Variants in KLF8 observed in about 807,000 individuals in gnomAD.
KLF8 encodes KLF transcription factor 8.
KLF8 carries 10 observed loss-of-function variants against 18.2 expected under a neutral mutation model. That is an observed-to-expected ratio of 0.55 (90% confidence interval 0.34 to 0.93). The LOEUF is 0.93. Ranked by LOEUF, KLF8 falls within the 40% of genes least tolerant of loss-of-function variation. KLF8 has a pLI of 0.02. For synonymous variants in KLF8, 109 were observed against 97.3 expected (o/e 1.12, Z -0.71); for missense variants, 264 against 277.9 (o/e 0.95, Z 0.36).
chrX:56,213,253 T>A, the KLF8 span, among the ~76,000 whole-genome samples: 1 of 108,201 alleles, frequency 9.2e-6, no homozygotes, highest in Non-Finnish European at 1.9e-5. Flanking sequence ...TCTCATCTTT[T>A]AAAATGACCT....
chrX:55,935,477 T>A, the KLF8 span, among the ~76,000 whole-genome samples: 2 of 112,426 alleles, frequency 1.8e-5, no homozygotes, highest in Non-Finnish European at 3.8e-5. Flanking sequence ...GAGGAACTAT[T>A]TACTTGTAAA....
the KLF8 span, among the ~76,000 whole-genome samples, chrX:56,022,061 A>C: frequency 9.0e-6 from 1 of 111,540 alleles, no homozygotes; most frequent in East Asian, 2.8e-4. Context: ...AAAAAGCCTC[A>C]CATAAAATAT....
At chrX:55,994,458 T>C in the KLF8 span, among the ~76,000 whole-genome samples, 9 of 109,727 alleles carry the variant, frequency 8.2e-5, no homozygotes, top group Non-Finnish European at 1.1e-4. Context: ...TTTTTTTTTT[T>C]CCTGCTAGCT....
the KLF8 span, among the ~76,000 whole-genome samples, chrX:56,003,003 C>A: frequency 1.8e-5 from 2 of 111,853 alleles, no homozygotes; most frequent in African/African-American, 6.5e-5. Context: ...ATTGAAAAAC[C>A]ATTATTCACT....
chrX:56,152,539 A>G, the KLF8 span, among the ~76,000 whole-genome samples: 13 of 111,392 alleles, frequency 1.2e-4, no homozygotes, highest in Non-Finnish European at 2.5e-4. Context: ...GATGGCAAAT[A>G]CATTGTCTCA....
chrX:56,028,739 C>T, the KLF8 span, among the ~76,000 whole-genome samples: 1 of 111,310 alleles, frequency 9.0e-6, no homozygotes, highest in Non-Finnish European at 1.9e-5. Context: ...CCCGGGTCTT[C>T]CTACTGAAAG....
the KLF8 span, among the ~76,000 whole-genome samples, chrX:56,030,599 C>A: frequency 9.1e-6 from 1 of 110,294 alleles, no homozygotes; most frequent in African/African-American, 3.3e-5. Flanking sequence ...TATATTGCTG[C>A]TCTCTCAGGG....
At chrX:55,923,148 A>G in the KLF8 span, among the ~76,000 whole-genome samples, 1 of 111,427 alleles carries the variant, frequency 9.0e-6, no homozygotes, top group Non-Finnish European at 1.9e-5. Context: ...ATGCAGCTAT[A>G]AAAAGAGATA....
At chrX:56,058,484 C>T in the KLF8 span, among the ~76,000 whole-genome samples, 2 of 102,501 alleles carry the variant, frequency 2.0e-5, no homozygotes, top group Non-Finnish European at 4.0e-5. Context: ...TGCTCTCTCT[C>T]CCCTAGTGCC....
chrX:55,947,115 G>C, the KLF8 span, among the ~76,000 whole-genome samples: 1 of 111,129 alleles, frequency 9.0e-6, no homozygotes, highest in South Asian at 3.9e-4. Flanking sequence ...AATACCATTT[G>C]ACCCAGCCAT....
the KLF8 span, among the ~76,000 whole-genome samples, chrX:56,062,792 A>T: frequency 9.0e-6 from 1 of 110,983 alleles, no homozygotes; most frequent in African/African-American, 3.3e-5. Context: ...AGTCACTTTC[A>T]GGTACAGCAA....
At chrX:56,103,121 G>A in the KLF8 span, among the ~76,000 whole-genome samples, 1 of 110,030 alleles carries the variant, frequency 9.1e-6, no homozygotes, top group Non-Finnish European at 1.9e-5. Context: ...TAGCCTTGTA[G>A]TATAGTTTGA....
chrX:56,092,214 A>G, the KLF8 span, among the ~76,000 whole-genome samples: 1 of 111,388 alleles, frequency 9.0e-6, no homozygotes, highest in Non-Finnish European at 1.9e-5. Flanking sequence ...GATTCCAGAT[A>G]TTAGTCCCCT....
chrX:56,039,247 C>G, the KLF8 span, among the ~76,000 whole-genome samples: 2 of 111,884 alleles, frequency 1.8e-5, no homozygotes, highest in Middle Eastern at 4.6e-3. Context: ...GCTTTTGTTG[C>G]AATTGCTTCT....
chrX:56,083,206 T>C, the KLF8 span, among the ~76,000 whole-genome samples: 1 of 112,124 alleles, frequency 8.9e-6, no homozygotes, highest in Non-Finnish European at 1.9e-5. Flanking sequence ...GTTTATTTTT[T>C]TGTGATCAAT....
At chrX:56,222,867 C>A in the KLF8 span, among the ~76,000 whole-genome samples, 18 of 113,113 alleles carry the variant, frequency 1.6e-4, no homozygotes, top group South Asian at 3.6e-4. Context: ...GCCCAGCCCA[C>A]GCCCACCCGG....
intron 5 of KLF8, among the ~76,000 whole-genome samples, chrX:56,274,861 G>A (rs1230422003): frequency 8.9e-6 from 1 of 111,823 alleles, no homozygotes; most frequent in African/African-American, 3.3e-5. Flanking sequence ...CCACTGATCA[G>A]TGTGTCTGTT....
chrX:56,054,433 G>T, the KLF8 span, among the ~76,000 whole-genome samples: 1 of 111,389 alleles, frequency 9.0e-6, no homozygotes, highest in East Asian at 2.8e-4. Context: ...TTATTTTTTT[G>T]TGCTGTGGTC....
At chrX:56,013,036 C>T in the KLF8 span, among the ~76,000 whole-genome samples, 2 of 111,678 alleles carry the variant, frequency 1.8e-5, no homozygotes, top group African/African-American at 6.5e-5. Context: ...GAGTAGAGAA[C>T]CCAGAAATAA....
Sources: gnomAD v4.1 joint callset for allele counts (sites outside exome capture counted in the v4.1 genomes callset) on GRCh38, gnomAD v4.1.1 for gene constraint, MANE v1.5 for transcripts, NCBI Gene and HGNC (gene_info 2026-07-23, HGNC 2026-07-21) for gene names.